The following CTNNAL1 variants were observed in gnomAD, a reference collection of about 807,000 sequenced individuals.
CTNNAL1 encodes alpha-catulin.
A neutral mutation model predicts 93.6 loss-of-function variants in CTNNAL1; 69 were observed. That is an observed-to-expected ratio of 0.74 (90% CI 0.61 to 0.90). The LOEUF is 0.90. CTNNAL1 is among the 40% of genes least tolerant of loss of function. CTNNAL1 has a pLI of 0.00. For missense variants in CTNNAL1, 836 were observed against 862.0 expected (o/e 0.97, Z 0.38); for synonymous variants, 286 against 305.4 (o/e 0.94, Z 0.66).
intron 1 of CTNNAL1, among the ~76,000 whole-genome samples, chr9:109,004,786 G>GAAA (rs200653091): frequency 6.6e-6 from 1 of 150,982 alleles, no homozygotes; most frequent in African/African-American, 2.4e-5. Context: ...ACTCTGTCTT[G>GAAA]AAAAAAATAA....
intron 2 of CTNNAL1, among the ~76,000 whole-genome samples, chr9:108,998,860 T>C (rs530511660): frequency 6.6e-6 from 1 of 152,216 alleles, no homozygotes; most frequent in Non-Finnish European, 1.5e-5. Context: ...TCACTAACTC[T>C]GACCAGTGAA....
chr9:108,956,943 G>A lies in CTNNAL1; in HGVS notation c.1592-1116C>T, dbSNP rs184777540. Among the ~76,000 whole-genome samples, 387 of 151,554 alleles carry A rather than the reference G, an allele frequency of 2.6e-3. 3 individuals carry two copies. Among genetic ancestry groups the A allele is most frequent in the African/African-American group, 8.7e-3 (359 of 41,400 alleles). On this transcript the variant is annotated intron_variant, in intron 11 of 18. Transcript: ENST00000325551. Reference sequence around the variant, plus strand: ...ACTTACAAGTGTTTAATACATAACAGATTTTGAAGATGTAGTACAAAGGGA... The same window carrying A: ...ACTTACAAGTGTTTAATACATAACAAATTTTGAAGATGTAGTACAAAGGGA...
chr9:108,960,820 T>C (rs2132111180), intron 11 of CTNNAL1, among the ~76,000 whole-genome samples: 1 of 152,328 alleles, frequency 6.6e-6, no homozygotes, highest in East Asian at 1.9e-4. Context: ...TGGTCCCTTC[T>C]AATACAAGGA....
chr9:108,999,464 C>T (rs1051306272), intron 1 of CTNNAL1, among the ~76,000 whole-genome samples: 9 of 152,184 alleles, frequency 5.9e-5, no homozygotes, highest in African/African-American at 2.2e-4. Flanking sequence ...CCAAGTTCAC[C>T]TGAGGGCAGT....
chr9:108,962,476 C>T (rs1040792713), intron 11 of CTNNAL1, among the ~76,000 whole-genome samples: 1 of 152,062 alleles, frequency 6.6e-6, no homozygotes, highest in Admixed American at 6.6e-5. Flanking sequence ...ATTAGATGTC[C>T]GGTGAGAGGA....
intron 1 of CTNNAL1, among the ~76,000 whole-genome samples, 193 bp from the exon 2 acceptor site, chr9:108,999,449 CA>C (rs1224321944): frequency 6.6e-6 from 1 of 152,184 alleles, no homozygotes; most frequent in East Asian, 1.9e-4. Context: ...CCATTAATTA[CA>C]ACTCCAAGTT....
intron 11 of CTNNAL1, among the ~76,000 whole-genome samples, chr9:108,960,658 A>G (rs781068344): frequency 6.6e-6 from 1 of 152,242 alleles, no homozygotes; most frequent in Non-Finnish European, 1.5e-5. Flanking sequence ...AAATGATTGA[A>G]ATAGAACAAA....
chr9:108,984,434 A>C lies in CTNNAL1; in HGVS notation c.642T>G (p.Asp214Glu). 6.3e-7 allele frequency: 1 copy of C among 1,586,628 alleles called. No individual in the cohort carries two copies. Among genetic ancestry groups the C allele is most frequent in the Non-Finnish European group, 8.7e-7 (1 of 1,155,542 alleles). The change falls in exon 5 of 19, where the codon GAT (aspartate) becomes GAG (glutamate). Residue 214 changes from aspartate (D) to glutamate (E), a missense_variant and splice_region_variant. Coordinates refer to ENST00000325551, the MANE Select transcript of CTNNAL1 (RefSeq NM_003798.4). ...FAHLSGDRQN[D>E]LKDEKKKAKM... ...TTGCCTTTTTCTTTTCATCTTTCAA[A>C]TCCTAAATATGAAATAAAATCACGG...
At chr9:108,956,819 A>G (rs838832) in intron 11 of CTNNAL1, among the ~76,000 whole-genome samples, 12,276 of 152,156 alleles carry the variant, frequency 0.081, 692 homozygotes, top group Non-Finnish European at 0.12. Context: ...ACATGTGACT[A>G]CTTAGCACTT....
intron 2 of CTNNAL1, among the ~76,000 whole-genome samples, chr9:108,996,784 A>G (rs1308968025): frequency 1.3e-5 from 2 of 151,784 alleles, no homozygotes; most frequent in African/African-American, 4.8e-5. Context: ...CCATCTCTAC[A>G]TTTTCTGTTG....
intron 8 of CTNNAL1, 30 bp from the exon 9 acceptor site, chr9:108,972,863 G>GGGGGGGGGGGGGGCCCCCC: frequency 4.3e-6 from 1 of 231,688 alleles, no homozygotes; most frequent in Non-Finnish European, 7.1e-6. Context: ...TGGGGGGGTG[G>GGGGGGGGGGGGGGCCCCCC]GAGGGTGGAG....
intron 14 of CTNNAL1, among the ~76,000 whole-genome samples, chr9:108,950,137 A>G (rs1168917610): frequency 6.6e-6 from 1 of 152,196 alleles, no homozygotes; most frequent in Non-Finnish European, 1.5e-5. Context: ...TTATTAGTCA[A>G]AAACATTTTT....
Position 108,972,839 on chromosome 9 carries a change from G to T in CTNNAL1, c.1189-6C>A. On this transcript the variant is annotated splice_region_variant and splice_polypyrimidine_tract_variant and intron_variant, in intron 8 of 18. Coordinates refer to ENST00000325551, the MANE Select transcript of CTNNAL1 (RefSeq NM_003798.4). ...TGTGTCGCTGTACTATGAAGCTGCA[G>T]ATGTGTGTGTGGGTGGGGGGGTGGG... The T allele has an allele frequency of 7.5e-7, 1 of 1,330,460 alleles. No homozygotes were observed. 82.4% of individuals were successfully genotyped at this position (1,330,460 alleles called of 1,614,324 possible).
At chr9:108,964,509 T>C (rs994498115) in intron 11 of CTNNAL1, among the ~76,000 whole-genome samples, 8 of 152,052 alleles carry the variant, frequency 5.3e-5, no homozygotes, top group African/African-American at 1.9e-4. Context: ...GGTATTAAAA[T>C]AAAGAATAAA....
chr9:108,950,385 A>G (rs372923741), intron 14 of CTNNAL1: 1 of 1,073,894 alleles, frequency 9.3e-7, no homozygotes, highest in Non-Finnish European at 1.3e-6. Flanking sequence ...AGTTAAGAAC[A>G]ATGGAAGGAA....
At chr9:108,970,550 T>C (rs931923177) in intron 9 of CTNNAL1, 56 bp from the exon 10 acceptor site, 19 of 1,406,798 alleles carry the variant, frequency 1.4e-5, no homozygotes, top group Middle Eastern at 3.7e-4. Context: ...CCACAATACA[T>C]AGTATCATTT....
intron 14 of CTNNAL1, among the ~76,000 whole-genome samples, chr9:108,949,248 T>A (rs1830491295): frequency 1.3e-5 from 2 of 152,180 alleles, no homozygotes; most frequent in Admixed American, 1.3e-4. Context: ...AACTATATTC[T>A]AGGAAGAAGT....
At chr9:108,972,864 G>GGCGCCCCCCCC in intron 8 of CTNNAL1, 31 bp from the exon 9 acceptor site, 6 of 142,556 alleles carry the variant, frequency 4.2e-5, no homozygotes, top group Non-Finnish European at 5.0e-5. Context: ...GGGGGGGTGG[G>GGCGCCCCCCCC]AGGGTGGAGA....
chr9:108,970,216 A>G (rs959766937), intron 10 of CTNNAL1, among the ~76,000 whole-genome samples, 186 bp downstream of exon 10: 4 of 152,382 alleles, frequency 2.6e-5, no homozygotes, highest in Non-Finnish European at 5.9e-5. Context: ...AATTTGGCAG[A>G]TGACCAGCTC....
Sources: gnomAD v4.1 joint callset for allele counts (sites outside exome capture counted in the v4.1 genomes callset) on GRCh38, gnomAD v4.1.1 for gene constraint, MANE v1.5 for transcripts, NCBI Gene and HGNC (gene_info 2026-07-23, HGNC 2026-07-21) for gene names.